Variants in CFAP74 observed in about 807,000 individuals in gnomAD.
CFAP74 encodes the protein cilia- and flagella-associated protein 74.
CFAP74 carries 124 observed loss-of-function variants against 188.9 expected under a neutral mutation model. That is an observed-to-expected ratio of 0.66 (90% CI 0.57 to 0.76). CFAP74 has a LOEUF of 0.76. CFAP74 is among the 30% of genes least tolerant of loss of function. The pLI, the probability that CFAP74 is intolerant of heterozygous loss-of-function variation, is 0.00. For missense variants in CFAP74, 2,198 were observed against 2,165.2 expected, an observed-to-expected ratio of 1.02 and a Z score of -0.30; for synonymous variants, 956 against 916.7, an observed-to-expected ratio of 1.04 and a Z score of -0.77.
chr1:1,924,340 GCTCAC>G, intron 34 of CFAP74, 46 bp downstream of exon 34: 1 of 696,202 alleles, frequency 1.4e-6, no homozygotes, highest in Non-Finnish European at 1.8e-6. Context: ...TACTCCCCCA[GCTCAC>G]CGCCCACCCC....
intron 15 of CFAP74, 27 bp downstream of exon 15, chr1:1,959,937 G>C: frequency 6.4e-7 from 1 of 1,559,494 alleles, no homozygotes; most frequent in Non-Finnish European, 8.7e-7. Context: ...CCTCCCCTTC[G>C]AGAGAGAACG....
intron 6 of CFAP74, among the ~76,000 whole-genome samples, chr1:1,981,552 A>C (rs1337812341): frequency 5.1e-5 from 6 of 116,660 alleles, no homozygotes. Flanking sequence ...GCGGACAGAC[A>C]CGGGGGGCAC....
intron 6 of CFAP74, among the ~76,000 whole-genome samples, chr1:1,980,621 A>G (rs1232036068): frequency 1.3e-5 from 2 of 152,196 alleles, no homozygotes; most frequent in Non-Finnish European, 2.9e-5. Context: ...TGGCCAGGAA[A>G]TGCCCGTGAG....
Position 1,940,400 on chromosome 1 carries a change from G to C in CFAP74, c.2619C>G (p.His873Gln), listed in dbSNP as rs768511918. Residue 873 changes from histidine to glutamine, a missense_variant, in exon 23 of 39, where the codon CAC (histidine) becomes CAG (glutamine). Physicochemically the swap from His to Gln is conservative, Grantham distance 24. Transcript: ENST00000682832. ...YSVQLKFLPR[H>Q]SLPEDAGRYF... ...ACCTCCCTGCGTCCTCCGGGAGGGAGTGTCTGAAAGAGGCAGACAAGGCGA... is the reference window on the plus strand; with the variant it reads ...ACCTCCCTGCGTCCTCCGGGAGGGACTGTCTGAAAGAGGCAGACAAGGCGA... 1 of 1,523,984 alleles carries C rather than the reference G, an allele frequency of 6.6e-7. No homozygotes were observed. 94.4% of individuals were successfully genotyped at this position (1,523,984 alleles called of 1,614,324 possible). A position where few individuals can be genotyped will look rare whatever the true frequency, so the allele number is the denominator to read the frequency against.
In CFAP74 at chr1:1,957,265, G is replaced by T. The variant is rs539773093; in HGVS notation, c.1852-481C>A. ...TGGTGCTGGCTAAGGATGCAGGCCC[G>T]GGCCATACCTCGGCTCTGCCCAATG... is the stretch of plus-strand genomic sequence containing the variant. On this transcript the variant is annotated intron_variant, in intron 16 of 38. Transcript: ENST00000682832. Among the ~76,000 whole-genome samples the T allele has an allele frequency of 1.2e-4, 18 of 152,326 alleles. No individual in the cohort carries two copies. In the East Asian group the frequency reaches 3.1e-3, roughly 26 times the overall value.
chr1:1,927,997 G>A, intron 27 of CFAP74: 2 of 521,928 alleles, frequency 3.8e-6, no homozygotes, highest in South Asian at 4.1e-5. Flanking sequence ...GGAGTGAGGA[G>A]GCGGCCAGAA....
At chr1:1,949,499 T>A (rs1051558596) in intron 18 of CFAP74, among the ~76,000 whole-genome samples, 1 of 150,844 alleles carries the variant, frequency 6.6e-6, no homozygotes, top group African/African-American at 2.5e-5. Context: ...ATTTTTTTTT[T>A]ATTTTTTATT....
At chr1:1,969,239 A>AGCCCTGCCCT (rs1655729082) in intron 10 of CFAP74, among the ~76,000 whole-genome samples, 1 of 19,750 alleles carries the variant, frequency 5.1e-5, no homozygotes, top group Non-Finnish European at 9.6e-5. Flanking sequence ...TGCCCAACCC[A>AGCCCTGCCCT]GCCCTGCCCA....
At chr1:1,993,882 T>C (rs1420451637) in intron 1 of CFAP74, among the ~76,000 whole-genome samples, 5 of 150,666 alleles carry the variant, frequency 3.3e-5, no homozygotes, top group East Asian at 3.9e-4. Flanking sequence ...CTCGGGAGGC[T>C]GAGGCAGGAG....
chr1:1,943,403 C>T (rs143503247), intron 21 of CFAP74, among the ~76,000 whole-genome samples: 1 of 152,220 alleles, frequency 6.6e-6, no homozygotes, highest in African/African-American at 2.4e-5. Context: ...GGAGGACAGG[C>T]GCCGCGGGAG....
chr1:1,960,206 C>T (rs1000726926), intron 14 of CFAP74, 176 bp from the exon 15 acceptor site: 12 of 605,482 alleles, frequency 2.0e-5, no homozygotes, highest in Non-Finnish European at 2.9e-5. Flanking sequence ...TCCCTGCTGC[C>T]GCCAGTACCT....
At position 1,927,723 on chromosome 1, in the gene CFAP74, C is replaced by T; in HGVS notation, c.3411G>A (p.Gln1137=). 1 of 1,550,160 alleles carries T rather than the reference C, an allele frequency of 6.5e-7. No homozygotes were observed. The highest frequency in any genetic ancestry group is 8.7e-7 in the Non-Finnish European group (1 of 1,146,808). ...ATGACAGTCCATGCAGGTCCTTCCTCTGGGGGGCCATATTCTTTCGGAACT... is the reference window on the plus strand; with the variant it reads ...ATGACAGTCCATGCAGGTCCTTCCTTTGGGGGGCCATATTCTTTCGGAACT... ...TKSFRKNMAP[Q]RKDLHGLSFS... is the part of the protein sequence containing the mutation. The change falls in exon 28 of 39, where the codon CAG becomes CAA. Residue 1137 remains glutamine, a synonymous_variant. Transcript: ENST00000682832.
chr1:1,988,426 A>G (rs927084171), intron 4 of CFAP74, 86 bp downstream of exon 4: 2 of 1,532,780 alleles, frequency 1.3e-6, no homozygotes, highest in Admixed American at 1.7e-5. Context: ...GGGTGACGAC[A>G]GGTACAGGAC....
intron 10 of CFAP74, among the ~76,000 whole-genome samples, chr1:1,969,872 G>A (rs1290948006): frequency 6.6e-6 from 1 of 152,252 alleles, no homozygotes; most frequent in Non-Finnish European, 1.5e-5. Context: ...ATTGGCCAGG[G>A]CCGTGGACAG....
At chr1:1,926,066 C>T in intron 32 of CFAP74, 128 bp from the exon 33 acceptor site, 2 of 1,402,224 alleles carry the variant, frequency 1.4e-6, no homozygotes, top group Non-Finnish European at 1.9e-6. Context: ...GTCAGCTCCG[C>T]TCACTTGGCG....
chr1:1,970,687 G>A lies in CFAP74; in HGVS notation c.1018C>T (p.Arg340Trp), dbSNP rs541722655. Reference protein sequence around the residue: ...DAFRHLVHQRRRQELEAQKRA... With the variant: ...DAFRHLVHQRWRQELEAQKRA... ...TTCTGGGCCTCCAGCTCCTGGCGCC[G>A]GCGCTGGTGGACAAGGTGCCTGAAT... Residue 340 changes from arginine (R) to tryptophan (W), a missense_variant, in exon 10 of 39, where the codon CGG becomes TGG. By Grantham distance (101) the Arg-to-Trp change is moderately radical. Transcript: ENST00000682832. The A allele has an allele frequency of 6.6e-5, 106 of 1,612,516 alleles. No individual in the cohort carries two copies. The highest frequency in any genetic ancestry group is 1.7e-4 in the Middle Eastern group (1 of 6,052).
rs1658067442 is a variant in CFAP74 at position 1,999,001 on chromosome 1, T to G, written c.-20+4700A>C. Reference sequence around the variant, plus strand: ...AGTTCCTTCCAGATTGCTCTATAGATTCCCTAAAACCCCTATCCAAATCCC... The same window carrying G: ...AGTTCCTTCCAGATTGCTCTATAGAGTCCCTAAAACCCCTATCCAAATCCC... On this transcript the variant is annotated intron_variant, in intron 1 of 38. Coordinates refer to ENST00000682832, the MANE Select transcript of CFAP74 (RefSeq NM_001304360.2). Among the ~76,000 whole-genome samples, 3 of 152,208 alleles carry G rather than the reference T, an allele frequency of 2.0e-5. No homozygotes were observed. In the South Asian group the frequency reaches 6.2e-4, roughly 32 times the overall value.
At chr1:1,955,087 C>CACCGGAAGTGAGGCTCAT in intron 18 of CFAP74, 1 of 1,278,422 alleles carries the variant, frequency 7.8e-7, no homozygotes, top group Non-Finnish European at 1.0e-6. Context: ...GTGCGGCTCA[C>CACCGGAAGTGAGGCTCAT]ACAGGCTGTG....
chr1:1,937,083 G>C (rs1652952574), intron 25 of CFAP74, among the ~76,000 whole-genome samples: 1 of 152,232 alleles, frequency 6.6e-6, no homozygotes, highest in Non-Finnish European at 1.5e-5. Context: ...GGAATCAAAG[G>C]CAGCAGCCTA....
Sources: allele counts gnomAD v4.1 joint callset (sites outside exome capture counted in the v4.1 genomes callset), GRCh38; gene constraint gnomAD v4.1.1; transcripts MANE v1.5; gene names NCBI Gene and HGNC (gene_info 2026-07-23, HGNC 2026-07-21).